Variants in DISC1 observed in about 807,000 individuals in gnomAD.
DISC1 encodes the protein DISC1 scaffold protein.
Under a neutral mutation model 84.5 loss-of-function variants are expected in DISC1, and 57 were observed. The ratio of observed to expected loss-of-function variants is 0.67; its 90% CI spans 0.55 to 0.84. The LOEUF (loss-of-function observed/expected upper bound fraction) is 0.84. Ranked by LOEUF, DISC1 falls within the 40% of genes least tolerant of loss-of-function variation. The probability of loss-of-function intolerance (pLI) is 0.00; values close to 1 mark genes in which losing one functional copy is unlikely to be tolerated. For missense variants in DISC1, 1,000 were observed against 1,057.8 expected, an observed-to-expected ratio of 0.95 and a Z score of 0.76; for synonymous variants, 411 against 415.2, an observed-to-expected ratio of 0.99 and a Z score of 0.12.
Position 231,694,654 on chromosome 1 carries a change from C to T in DISC1, c.896C>T (p.Pro299Leu). 1 of 1,614,270 alleles carries T rather than the reference C, an allele frequency of 6.2e-7. No individual in the cohort carries two copies. Among genetic ancestry groups the T allele is most frequent in the Non-Finnish European group, 8.5e-7 (1 of 1,180,048 alleles). The change falls in exon 2 of 13, where the codon CCT (proline) becomes CTT (leucine). Residue 299 changes from proline to leucine, a missense_variant. Pro to Leu is a moderately conservative substitution (Grantham distance 98, BLOSUM62 -3). Transcript: ENST00000439617. ...ATGCATTCTTTACCAGACATGGACC[C>T]TGGCTCCTCCAGTTCTCTGGATCCC... ...RDMHSLPDMD[P>L]GSSSSLDPSL...
chr1:231,808,949 C>G (rs186907622), intron 8 of DISC1, among the ~76,000 whole-genome samples: 1 of 152,148 alleles, frequency 6.6e-6, no homozygotes, highest in African/African-American at 2.4e-5. Context: ...GGAGGGCAGT[C>G]CTTTGTCCCT....
At chr1:231,876,442 A>G (rs1228871509) in intron 9 of DISC1, among the ~76,000 whole-genome samples, 3 of 152,180 alleles carry the variant, frequency 2.0e-5, no homozygotes, top group Non-Finnish European at 2.9e-5. Context: ...TTTTTAATAC[A>G]TTACCCAGCC....
At chr1:231,821,798 C>T (rs141289032) in intron 9 of DISC1, among the ~76,000 whole-genome samples, 1,706 of 151,140 alleles carry the variant, frequency 0.011, 33 homozygotes, top group African/African-American at 0.04. Flanking sequence ...ACTGCAACCT[C>T]CGTCTCCCAG....
intron 3 of DISC1, chr1:231,722,931 C>T (rs1250737503): frequency 1.6e-5 from 20 of 1,253,046 alleles, no homozygotes; most frequent in Non-Finnish European, 2.0e-5. Context: ...GGGGAGAAAC[C>T]ACCCAAAAGC....
At chr1:231,973,473 G>A (rs1004692309) in intron 10 of DISC1, among the ~76,000 whole-genome samples, 1 of 152,224 alleles carries the variant, frequency 6.6e-6, no homozygotes, top group African/African-American at 2.4e-5. Context: ...TTCAGGCAGG[G>A]AAGCCTTTTC....
chr1:231,950,204 C>T (rs945611142), intron 9 of DISC1, among the ~76,000 whole-genome samples: 1 of 139,440 alleles, frequency 7.2e-6, no homozygotes, highest in Non-Finnish European at 1.6e-5. Flanking sequence ...AAAAAAAATT[C>T]TGTGTGTGTG....
Position 232,009,250 on chromosome 1 carries a change from A to G in DISC1, c.2307+201A>G, listed in dbSNP as rs1311426806. The G allele has an allele frequency of 7.2e-7, 1 of 1,381,234 alleles. No individual in the cohort carries two copies. The highest frequency in any genetic ancestry group is 3.1e-5 in the Admixed American group (1 of 32,652). 85.6% of individuals were successfully genotyped at this position (1,381,234 alleles called of 1,614,324 possible). A position where few individuals can be genotyped will look rare whatever the true frequency, so the allele number is the denominator to read the frequency against. Reference sequence around the variant, plus strand: ...GTTTGAAATATAGAAGAGCAAAAAAACCCAACTTTTGGCATATTTAGTTCC... The same window carrying G: ...GTTTGAAATATAGAAGAGCAAAAAAGCCCAACTTTTGGCATATTTAGTTCC... On this transcript the variant is annotated intron_variant, in intron 11 of 12. Coordinates refer to ENST00000439617, the MANE Select transcript of DISC1 (RefSeq NM_018662.3). This position sits in a 1 kb window ranked among gnomAD's most constrained non-coding sequence, Gnocchi z 4.6.
intron 10 of DISC1, among the ~76,000 whole-genome samples, chr1:231,992,677 G>C (rs998922799): frequency 2.6e-5 from 4 of 152,164 alleles, no homozygotes; most frequent in Non-Finnish European, 4.4e-5. Flanking sequence ...GGCATGTTGA[G>C]ACTTACCCTG....
intron 9 of DISC1, among the ~76,000 whole-genome samples, chr1:231,912,087 A>G (rs953412718): frequency 6.6e-6 from 1 of 152,120 alleles, no homozygotes; most frequent in African/African-American, 2.4e-5. Context: ...TGTTTTTTCA[A>G]GGTTTTTAGC....
rs184056949 is a variant in DISC1, at chr1:231,758,933, G to A, written c.1269-8207G>A. ...TGCATGTATGTGTTTGTATGCATGCGCACACAAAATGTCCTTTATCGAAGA... is the reference window on the plus strand; with the variant it reads ...TGCATGTATGTGTTTGTATGCATGCACACACAAAATGTCCTTTATCGAAGA... On this transcript the variant is annotated intron_variant, in intron 4 of 12. Coordinates refer to ENST00000439617, the MANE Select transcript of DISC1 (RefSeq NM_018662.3). Among the ~76,000 whole-genome samples the A allele has an allele frequency of 1.5e-3, 228 of 152,152 alleles. 1 individual carries two copies. The highest frequency in any genetic ancestry group is 5.0e-3 in the African/African-American group (208 of 41,514).
At chr1:232,015,829 C>A (rs201281819) in intron 11 of DISC1, among the ~76,000 whole-genome samples, 52 of 152,282 alleles carry the variant, frequency 3.4e-4, no homozygotes, top group Non-Finnish European at 6.6e-4. Flanking sequence ...GCTTTGCCAG[C>A]CATTGGTCAT....
chr1:231,696,494 C>T (rs2065724126), intron 2 of DISC1, among the ~76,000 whole-genome samples: 1 of 152,200 alleles, frequency 6.6e-6, no homozygotes, highest in Admixed American at 6.5e-5. Context: ...AATCTGGACA[C>T]ACTTTTTCTT....
At chr1:231,764,899 C>G (rs2076044446) in intron 4 of DISC1, among the ~76,000 whole-genome samples, 2 of 152,086 alleles carry the variant, frequency 1.3e-5, no homozygotes, top group South Asian at 2.1e-4. Context: ...TCATTTAAAA[C>G]TATCTTTGGA....
intron 11 of DISC1, among the ~76,000 whole-genome samples, chr1:232,018,371 A>G (rs1287398648): frequency 1.3e-5 from 2 of 152,222 alleles, no homozygotes; most frequent in Non-Finnish European, 2.9e-5. Context: ...ATAACTGAGT[A>G]AAAATGTCCT....
Position 232,026,565 on chromosome 1 carries a change from T to A in DISC1, c.2425+13T>A. On this transcript the variant is annotated intron_variant, in intron 12 of 12. Coordinates refer to ENST00000439617, the MANE Select transcript of DISC1 (RefSeq NM_018662.3). Reference sequence around the variant, plus strand: ...GAAGATCTCATTCATATCCTTTTCATCTTGCAGATGAAGCAAGGCAAAGTT... The same window carrying A: ...GAAGATCTCATTCATATCCTTTTCAACTTGCAGATGAAGCAAGGCAAAGTT... The A allele has an allele frequency of 6.3e-7, 1 of 1,575,952 alleles. No homozygotes were observed. The highest frequency in any genetic ancestry group is 8.7e-7 in the Non-Finnish European group (1 of 1,154,404).
intron 10 of DISC1, among the ~76,000 whole-genome samples, chr1:231,990,150 G>A (rs1348429057): frequency 6.6e-6 from 1 of 152,066 alleles, no homozygotes; most frequent in Non-Finnish European, 1.5e-5. Flanking sequence ...TGGGGAAAAA[G>A]AGAAATGGAT....
At chr1:231,733,649 T>C (rs1394198212) in intron 3 of DISC1, among the ~76,000 whole-genome samples, 1 of 151,106 alleles carries the variant, frequency 6.6e-6, no homozygotes. Flanking sequence ...CTGGTGATGG[T>C]GGGAGTGATG....
At chr1:231,654,438 T>C (rs994595269) in intron 1 of DISC1, among the ~76,000 whole-genome samples, 3 of 152,176 alleles carry the variant, frequency 2.0e-5, no homozygotes, top group Non-Finnish European at 2.9e-5. Flanking sequence ...AACATATCCA[T>C]CATTTCACGT....
chr1:231,734,000 G>A lies in DISC1; in HGVS notation c.1118-15926G>A, dbSNP rs540607351. Among the ~76,000 whole-genome samples the A allele has an allele frequency of 1.7e-3, 251 of 151,714 alleles. 1 individual carries two copies. Among genetic ancestry groups the A allele is most frequent in the African/African-American group, 5.7e-3 (235 of 41,282 alleles). On this transcript the variant is annotated intron_variant, in intron 3 of 12. Coordinates refer to ENST00000439617, the MANE Select transcript of DISC1 (RefSeq NM_018662.3). Reference sequence around the variant, plus strand: ...TGATGATGATGATGACCTGACTGGTGGTGGTGGTGGCCGTATTGGTGGTGT... The same window carrying A: ...TGATGATGATGATGACCTGACTGGTAGTGGTGGTGGCCGTATTGGTGGTGT...
Sources: gnomAD v4.1 joint callset for allele counts (sites outside exome capture counted in the v4.1 genomes callset) on GRCh38, gnomAD v4.1.1 for gene constraint, Gnocchi (gnomAD v3.1) non-coding constraint, MANE v1.5 for transcripts, NCBI Gene and HGNC (gene_info 2026-07-23, HGNC 2026-07-21) for gene names.